The following BCO1 variants were observed in gnomAD, a reference collection of about 807,000 sequenced individuals.
The protein encoded by BCO1 is beta-carotene oxygenase 1.
Under a neutral mutation model 56.3 loss-of-function variants are expected in BCO1, and 54 were observed. That is an observed-to-expected ratio of 0.96 (90% confidence interval 0.77 to 1.20). The LOEUF is 1.20. Ranked by LOEUF, BCO1 falls within the 50% of genes most tolerant of loss-of-function variation. The pLI is 0.00. For synonymous variants in BCO1, 318 were observed against 266.1 expected (o/e 1.20, Z -1.90); for missense variants, 801 against 690.9 (o/e 1.16, Z -1.79).
intron 7 of BCO1, among the ~76,000 whole-genome samples, chr16:81,275,275 C>G (rs1418200479): frequency 6.6e-6 from 1 of 152,228 alleles, no homozygotes; most frequent in Non-Finnish European, 1.5e-5. Flanking sequence ...CCTGCTCCCC[C>G]TGGCTGGCTG....
intron 1 of BCO1, among the ~76,000 whole-genome samples, chr16:81,240,676 G>T (rs550964371): frequency 5.9e-5 from 9 of 151,946 alleles, no homozygotes; most frequent in Non-Finnish European, 1.2e-4. Flanking sequence ...CTGCACTCTG[G>T]CCTTGGCAAG....
chr16:81,281,695 T>G (rs1907890793), intron 8 of BCO1, among the ~76,000 whole-genome samples: 1 of 152,200 alleles, frequency 6.6e-6, no homozygotes. Context: ...GTCACACCCG[T>G]GGAGCAGGGC....
intron 1 of BCO1, among the ~76,000 whole-genome samples, chr16:81,243,187 A>G (rs1447720631): frequency 6.6e-6 from 1 of 152,164 alleles, no homozygotes; most frequent in Admixed American, 6.5e-5. Flanking sequence ...TTGTGAATAC[A>G]CTAGAACCCC....
intron 1 of BCO1, among the ~76,000 whole-genome samples, chr16:81,241,129 C>T (rs1164024538): frequency 2.6e-5 from 4 of 152,038 alleles, no homozygotes; most frequent in Admixed American, 6.6e-5. Context: ...CCACCATGCC[C>T]GGCCTGAAAT....
At chr16:81,285,318 TAC>T (rs1908114048) in intron 8 of BCO1, among the ~76,000 whole-genome samples, 1 of 152,206 alleles carries the variant, frequency 6.6e-6, no homozygotes, top group Non-Finnish European at 1.5e-5. Context: ...AGGTCTGGAG[TAC>T]CTTGCTCCTG....
intron 2 of BCO1, among the ~76,000 whole-genome samples, chr16:81,253,314 C>T (rs568885683): frequency 1.3e-5 from 2 of 152,266 alleles, no homozygotes; most frequent in East Asian, 3.9e-4. Context: ...TTCTTGAGCA[C>T]CTACTATGTG....
intron 10 of BCO1, among the ~76,000 whole-genome samples, chr16:81,288,522 C>T (rs538498520): frequency 1.3e-5 from 2 of 152,334 alleles, no homozygotes; most frequent in South Asian, 2.1e-4. Flanking sequence ...ATCTTGGCCT[C>T]CCAAAGTGCT....
In BCO1 at chr16:81,268,141, G is replaced by A. The variant is rs780899302; in HGVS notation, c.843+10G>A. 3.1e-6 allele frequency: 5 copies of A among 1,604,232 alleles called. No homozygotes were observed. The highest frequency in any genetic ancestry group is 4.5e-5 in the East Asian group (2 of 44,894). ...CCACAGGGAGGAGAAGGTGAGGTCTGGCTGGACTCTAGCCCAGTGGGTGCT... is the reference window on the plus strand; with the variant it reads ...CCACAGGGAGGAGAAGGTGAGGTCTAGCTGGACTCTAGCCCAGTGGGTGCT... On this transcript the variant is annotated intron_variant, in intron 6 of 10. Coordinates refer to ENST00000258168, the MANE Select transcript of BCO1 (RefSeq NM_017429.3).
chr16:81,249,974 A>G (rs1905686614), intron 2 of BCO1, among the ~76,000 whole-genome samples: 1 of 152,122 alleles, frequency 6.6e-6, no homozygotes, highest in Admixed American at 6.5e-5. Flanking sequence ...TGGAGCTGAG[A>G]TGGTACAGTG....
intron 7 of BCO1, among the ~76,000 whole-genome samples, chr16:81,270,795 A>C (rs1907159323): frequency 6.6e-6 from 1 of 150,744 alleles, no homozygotes; most frequent in South Asian, 2.1e-4. Flanking sequence ...CCCAGGCTGG[A>C]GTGCAGTGTT....
rs965046665 is a variant in BCO1, at chr16:81,290,956, CCT to C, written c.*382_*383del. ...AGATAATTATTTATCATTGTGCCTT[CCT>C]CTGTCTCTTTCTCTTTCCTTTGCTC... On this transcript the variant is annotated 3_prime_UTR_variant, in exon 11 of 11. Coordinates refer to ENST00000258168, the MANE Select transcript of BCO1 (RefSeq NM_017429.3). 9 of 189,444 alleles carry C rather than the reference CCT, an allele frequency of 4.8e-5. No homozygotes were observed. In the South Asian group the frequency reaches 1.0e-3, roughly 22 times the overall value. The allele number at this position is 189,444 out of a possible 1,614,324, so 11.7% of individuals were successfully genotyped here.
intron 7 of BCO1, among the ~76,000 whole-genome samples, chr16:81,279,072 T>G (rs1433875794): frequency 6.6e-6 from 1 of 151,844 alleles, no homozygotes; most frequent in Non-Finnish European, 1.5e-5. Context: ...AGCCCAGGAG[T>G]TCGAGACCAA....
chr16:81,286,800 G>A (rs1908207248), intron 9 of BCO1, among the ~76,000 whole-genome samples: 1 of 149,322 alleles, frequency 6.7e-6, no homozygotes, highest in South Asian at 2.1e-4. Context: ...GAGGAGGCCG[G>A]GCGCGGTGGC....
chr16:81,285,489 C>A, intron 8 of BCO1, 51 bp from the exon 9 acceptor site: 1 of 1,336,004 alleles, frequency 7.5e-7, no homozygotes, highest in African/African-American at 1.4e-5. Flanking sequence ...AGGGTGGATG[C>A]TCCCAGCCCC....
intron 9 of BCO1, 59 bp downstream of exon 9, chr16:81,285,693 C>T (rs1908141162): frequency 1.6e-6 from 2 of 1,281,364 alleles, no homozygotes; most frequent in South Asian, 1.2e-5. Context: ...ATATGCAAAG[C>T]TGAATTCTAA....
intron 7 of BCO1, among the ~76,000 whole-genome samples, chr16:81,276,366 G>A (rs1402560910): frequency 6.6e-6 from 1 of 152,132 alleles, no homozygotes; most frequent in Non-Finnish European, 1.5e-5. Flanking sequence ...ACCATGTGCT[G>A]GACACCTGGG....
intron 2 of BCO1, among the ~76,000 whole-genome samples, chr16:81,247,575 G>A (rs939585118): frequency 4.6e-5 from 7 of 151,830 alleles, no homozygotes; most frequent in Admixed American, 4.6e-4. Context: ...TGCCCAGGCT[G>A]GTGTGCAATG....
chr16:81,261,994 G>A (rs1036858148), intron 3 of BCO1, 142 bp from the exon 4 acceptor site: 5 of 954,362 alleles, frequency 5.2e-6, no homozygotes, highest in East Asian at 2.5e-5. Flanking sequence ...CACCTGCCTC[G>A]GCCTCCCACA....
chr16:81,264,280 C>T (rs1284615149), intron 4 of BCO1, among the ~76,000 whole-genome samples: 1 of 152,212 alleles, frequency 6.6e-6, no homozygotes, highest in Non-Finnish European at 1.5e-5. Context: ...GAGCTTTCTG[C>T]AGTGAGGAAT....
Sources: allele counts gnomAD v4.1 joint callset (sites outside exome capture counted in the v4.1 genomes callset), GRCh38; gene constraint gnomAD v4.1.1; transcripts MANE v1.5; gene names NCBI Gene and HGNC (gene_info 2026-07-23, HGNC 2026-07-21).